Variants in PLP1 observed in about 807,000 individuals in gnomAD.
The protein encoded by PLP1 is proteolipid protein 1.
PLP1 carries 2 observed loss-of-function variants against 18.5 expected under a neutral mutation model. The ratio of observed to expected loss-of-function variants is 0.11; its 90% CI spans 0.04 to 0.34. The LOEUF (loss-of-function observed/expected upper bound fraction) is 0.34. Ranked by LOEUF, PLP1 falls within the 10% of genes least tolerant of loss-of-function variation. The pLI, the probability that PLP1 is intolerant of heterozygous loss-of-function variation, is 1.00. For synonymous variants in PLP1, 86 were observed against 83.2 expected (o/e 1.03, Z -0.19); for missense variants, 105 against 207.3 (o/e 0.51, Z 3.03).
At position 103,776,960 on chromosome X, in the gene PLP1, C is replaced by A. The variant is rs1364374999; in HGVS notation, c.-36C>A. The A allele has an allele frequency of 8.3e-7, 1 of 1,198,042 alleles. No individual in the cohort carries two copies. ...CAAAGTCAGCCACAAAGCAGACTAG[C>A]CAGCCGGCTACAATTGGAGTCAGAG... On this transcript the variant is annotated 5_prime_UTR_variant, in exon 1 of 7. Coordinates refer to ENST00000621218, the MANE Select transcript of PLP1 (RefSeq NM_000533.5).
intron 1 of PLP1, among the ~76,000 whole-genome samples, chrX:103,783,003 G>C (rs1032306060): frequency 2.7e-5 from 3 of 112,158 alleles, no homozygotes; most frequent in Non-Finnish European, 5.6e-5. Flanking sequence ...AAAAGTCTAA[G>C]AGTTTGGGGG....
Position 103,778,549 on chromosome X carries a change from G to C in PLP1, c.4+1550G>C, listed in dbSNP as rs556915178. Reference sequence around the variant, plus strand: ...GGATGTTGAATATTACTTCCTCAGGGGATGAAATCCCTGAGGAAAGGCAGG... The same window carrying C: ...GGATGTTGAATATTACTTCCTCAGGCGATGAAATCCCTGAGGAAAGGCAGG... On this transcript the variant is annotated intron_variant, in intron 1 of 6. Transcript: ENST00000621218. Among the ~76,000 whole-genome samples the C allele has an allele frequency of 1.0e-3, 116 of 111,256 alleles. No individual in the cohort carries two copies. In the South Asian group the frequency reaches 0.043, roughly 41 times the overall value.
chrX:103,787,665 T>C, intron 3 of PLP1, 133 bp from the exon 4 acceptor site: 1 of 573,987 alleles, frequency 1.7e-6, no homozygotes. Context: ...CCCTGCTCAC[T>C]AATTTCATTT....
intron 3 of PLP1, 104 bp downstream of exon 3, chrX:103,786,830 T>C: frequency 1.1e-6 from 1 of 880,275 alleles, no homozygotes; most frequent in Non-Finnish European, 1.7e-6. Flanking sequence ...TCTAGGGGCC[T>C]GGCATTTGAG....
At chrX:103,788,088 G>T in intron 4 of PLP1, 122 bp downstream of exon 4, 1 of 593,237 alleles carries the variant, frequency 1.7e-6, no homozygotes, top group Non-Finnish European at 2.8e-6. Context: ...TGAATGATTG[G>T]GTCTTAGTTT....
In PLP1 at chrX:103,788,519, G is replaced by C; in HGVS notation, c.696+9G>C. 1 of 1,148,318 alleles carries C rather than the reference G, an allele frequency of 8.7e-7. No individual in the cohort carries two copies. Among genetic ancestry groups the C allele is most frequent in the Non-Finnish European group, 1.2e-6 (1 of 837,772 alleles). 94.6% of individuals were successfully genotyped at this position (1,148,318 alleles called of 1,213,427 possible). A position where few individuals can be genotyped will look rare whatever the true frequency, so the allele number is the denominator to read the frequency against. On this transcript the variant is annotated intron_variant, in intron 5 of 6. Coordinates refer to ENST00000621218, the MANE Select transcript of PLP1 (RefSeq NM_000533.5). ...TCTGCAAAACAGCTGAGGTGAGTGG[G>C]TTATTTGGGTTATTTTACAAGGGAG...
chrX:103,788,555 C>A, intron 5 of PLP1, 45 bp downstream of exon 5: 1 of 955,770 alleles, frequency 1.0e-6, no homozygotes, highest in Non-Finnish European at 1.5e-6. Flanking sequence ...TAGCTAATAC[C>A]ATACAAATTA....
chrX:103,787,782 A>C lies in PLP1; in HGVS notation c.454-16A>C. On this transcript the variant is annotated splice_polypyrimidine_tract_variant and intron_variant, in intron 3 of 6. Coordinates refer to ENST00000621218, the MANE Select transcript of PLP1 (RefSeq NM_000533.5). ...GCTGATGCTGATTTCTAACCACCCC[A>C]TGTCAATCATTTTAGTTTGTGGGCA... is the stretch of plus-strand genomic sequence containing the variant. 8.3e-7 allele frequency: 1 copy of C among 1,198,161 alleles called. No individual in the cohort carries two copies.
chrX:103,790,400 C>T, intron 6 of PLP1, 127 bp from the exon 7 acceptor site: 1 of 586,233 alleles, frequency 1.7e-6, no homozygotes. Context: ...CTGCTTTTTG[C>T]AGAGCATGGG....
intron 4 of PLP1, among the ~76,000 whole-genome samples, 174 bp downstream of exon 4, chrX:103,788,140 G>A (rs1279525002): frequency 3.6e-5 from 4 of 111,984 alleles, no homozygotes; most frequent in Non-Finnish European, 7.5e-5. Context: ...TTCTTCCCCG[G>A]GAAGGGAACT....
At chrX:103,783,913 T>C (rs1218653487) in intron 1 of PLP1, among the ~76,000 whole-genome samples, 1 of 105,736 alleles carries the variant, frequency 9.5e-6, no homozygotes, top group Non-Finnish European at 2.0e-5. Flanking sequence ...ACTGTGTTTA[T>C]AGATATATAA....
Position 103,777,014 on chromosome X carries a change from CT to C in PLP1, c.4+18del. 2 of 1,191,280 alleles carry C rather than the reference CT, an allele frequency of 1.7e-6. No homozygotes were observed. The highest frequency in any genetic ancestry group is 1.8e-5 in the South Asian group (1 of 56,075). On this transcript the variant is annotated intron_variant, in intron 1 of 6. Transcript: ENST00000621218. ...CAAAGACATGGGTAAGTTTCAAAAA[CT>C]TTAGCATTGAAGATTCAAGAGGACA...
chrX:103,786,100 TC>T, intron 2 of PLP1: 1 of 1,072,627 alleles, frequency 9.3e-7, no homozygotes, highest in Non-Finnish European at 1.2e-6. Context: ...ACTAAGCCTC[TC>T]CTGTTCCTAG....
At chrX:103,777,306 C>T (rs2074418581) in intron 1 of PLP1, among the ~76,000 whole-genome samples, 1 of 111,340 alleles carries the variant, frequency 9.0e-6, no homozygotes, top group African/African-American at 3.3e-5. Context: ...TTCTCTTTTC[C>T]CTTGGTTCCA....
chrX:103,776,544 C>A (rs2074412630), upstream of PLP1: 2 of 136,671 alleles, frequency 1.5e-5, no homozygotes, highest in Admixed American at 1.6e-4. Context: ...ATATCCCACA[C>A]CAATTAGACC....
chrX:103,780,468 T>TGTGTGTGTGTGC lies in PLP1; in HGVS notation c.4+3470_4+3471insTGTGTGTGTGCG, dbSNP rs780722962. 9.1e-5 allele frequency among the ~76,000 whole-genome samples: 10 copies of TGTGTGTGTGTGC among 109,650 alleles called. No individual in the cohort carries two copies. The East Asian group carries it at 1.4e-3, about 16-fold the overall frequency. ...GTGTGTGTGTGTGTGTGTGTGTGTGTGCGCGTCTGAAGAGGAGTGGGGAGT... is the reference window on the plus strand; with the variant it reads ...GTGTGTGTGTGTGTGTGTGTGTGTGTGTGTGTGTGTGCGCGCGTCTGAAGAGGAGTGGGGAGT... On this transcript the variant is annotated intron_variant, in intron 1 of 6. Transcript: ENST00000621218.
intron 2 of PLP1, chrX:103,786,025 G>A (rs2074493492): frequency 4.5e-6 from 4 of 881,412 alleles, no homozygotes; most frequent in African/African-American, 2.1e-5. Flanking sequence ...ACTTCTGCTA[G>A]GTGTGGTTCA....
intron 3 of PLP1, chrX:103,787,577 C>T (rs1370086554): frequency 2.5e-5 from 11 of 447,702 alleles, no homozygotes; most frequent in Non-Finnish European, 4.3e-5. Context: ...TCACTCTTCC[C>T]CTACCCATTC....
intron 5 of PLP1, chrX:103,788,777 C>A: frequency 2.7e-6 from 1 of 373,091 alleles, no homozygotes; most frequent in Non-Finnish European, 4.7e-6. Flanking sequence ...AAAGATAGAG[C>A]CTAATGGCAA....
Sources: gnomAD v4.1 joint callset for allele counts (sites outside exome capture counted in the v4.1 genomes callset) on GRCh38, gnomAD v4.1.1 for gene constraint, MANE v1.5 for transcripts, NCBI Gene and HGNC (gene_info 2026-07-23, HGNC 2026-07-21) for gene names.